PACRG: variants seen among roughly 807,000 people sequenced by gnomAD.
The protein encoded by PACRG is parkin coregulated.
Under a neutral mutation model 29.7 loss-of-function variants are expected in PACRG, and 29 were observed. The observed-to-expected ratio is 0.98, with a 90% CI of 0.73 to 1.33. The LOEUF is 1.33. Ranked by LOEUF, PACRG falls within the 40% of genes most tolerant of loss-of-function variation. The pLI is 0.00. For missense variants in PACRG, 279 were observed against 316.2 expected, an observed-to-expected ratio of 0.88 and a Z score of 0.89; for synonymous variants, 116 against 118.7, an observed-to-expected ratio of 0.98 and a Z score of 0.15.
At chr6:162,780,193 T>C (rs1187879878) in intron 1 of PACRG, among the ~76,000 whole-genome samples, 3 of 152,096 alleles carry the variant, frequency 2.0e-5, no homozygotes, top group African/African-American at 7.2e-5. Context: ...TAGTTCCTTT[T>C]CCCAATAGCC....
intron 4 of PACRG, among the ~76,000 whole-genome samples, chr6:163,237,549 C>T (rs552742104): frequency 2.6e-5 from 4 of 152,214 alleles, no homozygotes; most frequent in African/African-American, 7.2e-5. Context: ...GTAAGGCCAA[C>T]GGTAACATTA....
intron 2 of PACRG, among the ~76,000 whole-genome samples, chr6:163,022,798 T>G (rs1024276098): frequency 3.3e-5 from 5 of 152,260 alleles, no homozygotes; most frequent in African/African-American, 1.2e-4. Context: ...GATCATGATT[T>G]ATTTATAATA....
intron 4 of PACRG, among the ~76,000 whole-genome samples, chr6:163,146,813 A>G (rs941807823): frequency 6.6e-6 from 1 of 152,172 alleles, no homozygotes; most frequent in Non-Finnish European, 1.5e-5. Flanking sequence ...AATTTTTCTC[A>G]TGGTGGCTTT....
chr6:163,245,118 T>A (rs950518536), intron 4 of PACRG: 1 of 431,270 alleles, frequency 2.3e-6, no homozygotes, highest in Non-Finnish European at 4.6e-6. Flanking sequence ...ATGTCACACA[T>A]TTCATCATTT....
At chr6:163,004,066 GAA>G (rs1479546325) in intron 2 of PACRG, among the ~76,000 whole-genome samples, 6 of 151,764 alleles carry the variant, frequency 4.0e-5, no homozygotes, top group Non-Finnish European at 5.9e-5. Context: ...TCTTGAATTA[GAA>G]TTTACAAAAA....
At chr6:163,310,441 C>G (rs1562372559) in intron 4 of PACRG, 1 of 152,192 alleles carries the variant, frequency 6.6e-6, no homozygotes, top group Non-Finnish European at 1.5e-5. Context: ...TCCCGGGGGT[C>G]TTTTTTGTCT....
At chr6:163,042,894 T>G (rs563285034) in intron 2 of PACRG, 3 of 136,720 alleles carry the variant, frequency 2.2e-5, no homozygotes, top group Admixed American at 7.7e-5. Context: ...GTATCTACAG[T>G]CATTGCATAA....
intron 4 of PACRG, among the ~76,000 whole-genome samples, chr6:163,188,694 T>C (rs1459167500): frequency 6.6e-6 from 1 of 152,230 alleles, no homozygotes; most frequent in African/African-American, 2.4e-5. Flanking sequence ...TTCATTTTTG[T>C]TACATAATCT....
intron 4 of PACRG, among the ~76,000 whole-genome samples, chr6:163,127,369 G>A (rs545047689): frequency 2.2e-4 from 33 of 152,222 alleles, no homozygotes; most frequent in Non-Finnish European, 4.6e-4. Flanking sequence ...AAAATAGCCT[G>A]TGCTTTTAAT....
intron 2 of PACRG, among the ~76,000 whole-genome samples, chr6:162,996,844 A>G (rs1305437429): frequency 6.6e-6 from 1 of 152,170 alleles, no homozygotes; most frequent in African/African-American, 2.4e-5. Context: ...TCTTAAAACT[A>G]GAGTTTTTTA....
chr6:162,937,278 C>T lies in PACRG; in HGVS notation c.291+122997C>T, dbSNP rs371232365. 9.9e-5 allele frequency among the ~76,000 whole-genome samples: 15 copies of T among 152,236 alleles called. 1 individual carries two copies. In the South Asian group the frequency reaches 3.1e-3, roughly 32 times the overall value. Reference sequence around the variant, plus strand: ...GTAAAATTAACTTTAATGAATTAACCTGATATATTTTAAATATCATCTTAA... The same window carrying T: ...GTAAAATTAACTTTAATGAATTAACTTGATATATTTTAAATATCATCTTAA... On this transcript the variant is annotated intron_variant, in intron 2 of 4. Transcript: ENST00000366888.
chr6:162,763,770 A>T (rs1223545243), intron 1 of PACRG, among the ~76,000 whole-genome samples: 1 of 152,210 alleles, frequency 6.6e-6, no homozygotes, highest in Non-Finnish European at 1.5e-5. Context: ...GACTTATATT[A>T]AAAGTACAGC....
chr6:163,068,286 T>A (rs1811729376), intron 3 of PACRG, among the ~76,000 whole-genome samples: 1 of 152,210 alleles, frequency 6.6e-6, no homozygotes, highest in Non-Finnish European at 1.5e-5. Flanking sequence ...ATTATGAGTT[T>A]GCTTTGTTGA....
chr6:162,990,455 G>T (rs1464225008), intron 2 of PACRG, among the ~76,000 whole-genome samples: 44 of 148,594 alleles, frequency 3.0e-4, no homozygotes, highest in South Asian at 2.2e-4. Flanking sequence ...TGATATCTCA[G>T]AGTGGTTTTG....
At chr6:162,960,412 A>G (rs1800511946) in intron 2 of PACRG, among the ~76,000 whole-genome samples, 1 of 152,248 alleles carries the variant, frequency 6.6e-6, no homozygotes, top group Non-Finnish European at 1.5e-5. Flanking sequence ...ACACCACGGA[A>G]TACTACACAG....
chr6:163,134,735 C>A (rs1322237298), intron 4 of PACRG, among the ~76,000 whole-genome samples: 1 of 152,144 alleles, frequency 6.6e-6, no homozygotes, highest in Non-Finnish European at 1.5e-5. Flanking sequence ...TAATACCTAC[C>A]TAACAACTAC....
At chr6:162,747,324 T>A in intron 1 of PACRG, among the ~76,000 whole-genome samples, 1 of 39,580 alleles carries the variant, frequency 2.5e-5, no homozygotes, top group South Asian at 1.4e-3. Flanking sequence ...CTCTCCTTGC[T>A]CATATATATA....
chr6:163,023,886 G>T (rs1420385587), intron 2 of PACRG, among the ~76,000 whole-genome samples: 6 of 152,166 alleles, frequency 3.9e-5, no homozygotes, highest in African/African-American at 1.4e-4. Context: ...TTTGAGAAGT[G>T]TCTGTTCATG....
chr6:162,990,580 G>T (rs1803366962), intron 2 of PACRG, among the ~76,000 whole-genome samples: 1 of 93,656 alleles, frequency 1.1e-5, no homozygotes, highest in Admixed American at 1.1e-4. Context: ...CTTTTTGATG[G>T]GGTTGTTTGT....
Sources: gnomAD v4.1 joint callset for allele counts (sites outside exome capture counted in the v4.1 genomes callset) on GRCh38, gnomAD v4.1.1 for gene constraint, MANE v1.5 for transcripts, NCBI Gene and HGNC (gene_info 2026-07-23, HGNC 2026-07-21) for gene names.